Variants in GPRASP3 observed in about 807,000 individuals in gnomAD.
The protein encoded by GPRASP3 is G protein-coupled receptor associated sorting protein 3.
At chrX:102,750,295 A>G in the GPRASP3 span, 1 of 1,209,276 alleles carries the variant, frequency 8.3e-7, no homozygotes, top group East Asian at 3.0e-5. Flanking sequence ...ACAACTGACT[A>G]CTGATTTTGT....
the GPRASP3 span, among the ~76,000 whole-genome samples, chrX:102,745,650 A>T: frequency 9.0e-6 from 1 of 110,879 alleles, no homozygotes; most frequent in Non-Finnish European, 1.9e-5. Context: ...CTGGTTGGGG[A>T]GTTGGGGCGG....
At chrX:102,750,047 A>G in the GPRASP3 span, 1 of 1,202,898 alleles carries the variant, frequency 8.3e-7, no homozygotes, top group Non-Finnish European at 1.1e-6. Context: ...ATGGGTGTCC[A>G]TAATGTTCAC....
At chrX:102,729,351 C>G in the GPRASP3 span, among the ~76,000 whole-genome samples, 4 of 111,710 alleles carry the variant, frequency 3.6e-5, no homozygotes, top group African/African-American at 3.3e-5. Context: ...GAGAAAGGCG[C>G]TAAAATAAAA....
the GPRASP3 span, chrX:102,747,938 T>C: frequency 9.0e-6 from 1 of 111,717 alleles, no homozygotes; most frequent in Non-Finnish European, 1.9e-5. Flanking sequence ...GCACCCCCGT[T>C]GATTGGGGTT....
At chrX:102,731,662 GAA>G in the GPRASP3 span, among the ~76,000 whole-genome samples, 1 of 110,716 alleles carries the variant, frequency 9.0e-6, no homozygotes, top group Non-Finnish European at 1.9e-5. Context: ...GAACAGGAGA[GAA>G]AGGGGAGTAC....
chrX:102,750,733 A>G, the GPRASP3 span: 2 of 716,652 alleles, frequency 2.8e-6, no homozygotes, highest in African/African-American at 2.2e-5. Context: ...TTTAACACAG[A>G]GTCACCTGTG....
chrX:102,724,250 T>C, the GPRASP3 span, among the ~76,000 whole-genome samples: 4 of 111,078 alleles, frequency 3.6e-5, no homozygotes, highest in Non-Finnish European at 7.5e-5. Context: ...CTCCAAGTAG[T>C]TGGTTTCAAA....
chrX:102,726,898 C>A, the GPRASP3 span, among the ~76,000 whole-genome samples: 3 of 112,496 alleles, frequency 2.7e-5, no homozygotes, highest in East Asian at 8.4e-4. Context: ...ACTTTTTAAT[C>A]TGGAGCAGAA....
the GPRASP3 span, chrX:102,751,091 G>T: frequency 7.9e-6 from 1 of 125,887 alleles, no homozygotes; most frequent in African/African-American, 3.2e-5. Flanking sequence ...AAGGAGGCAG[G>T]AGTTCCTATA....
the GPRASP3 span, among the ~76,000 whole-genome samples, chrX:102,739,941 T>G: frequency 8.9e-6 from 1 of 112,027 alleles, no homozygotes; most frequent in Non-Finnish European, 1.9e-5. Flanking sequence ...TCATGTGGCA[T>G]GCAAAGTGAA....
At chrX:102,735,426 A>G in the GPRASP3 span, among the ~76,000 whole-genome samples, 28 of 94,744 alleles carry the variant, frequency 3.0e-4, no homozygotes, top group African/African-American at 1.1e-3. Context: ...TTTTTTTGAG[A>G]CGACGTCTTG....
chrX:102,750,470 T>C, the GPRASP3 span: 1 of 1,209,849 alleles, frequency 8.3e-7, no homozygotes, highest in South Asian at 1.8e-5. Context: ...GCATTAAAAC[T>C]CATCTTTAAC....
chrX:102,752,023 C>G, the GPRASP3 span: 1 of 107,905 alleles, frequency 9.3e-6, no homozygotes, highest in South Asian at 4.8e-4. Context: ...GGGGCTTTAT[C>G]TTTTACTAGT....
the GPRASP3 span, chrX:102,748,755 A>G: frequency 3.3e-6 from 1 of 307,510 alleles, no homozygotes; most frequent in Non-Finnish European, 5.8e-6. Context: ...CATCACCTTC[A>G]GCAGGTCTGC....
chrX:102,741,363 T>G, the GPRASP3 span, among the ~76,000 whole-genome samples: 1 of 111,964 alleles, frequency 8.9e-6, no homozygotes, highest in Non-Finnish European at 1.9e-5. Flanking sequence ...GCCCTCCTTC[T>G]CCTTAGGAAG....
the GPRASP3 span, among the ~76,000 whole-genome samples, chrX:102,732,855 G>A: frequency 9.0e-6 from 1 of 111,631 alleles, no homozygotes; most frequent in African/African-American, 3.3e-5. Context: ...AAATACCTAT[G>A]AGTTGAGTAA....
chrX:102,722,585 A>C, the GPRASP3 span, among the ~76,000 whole-genome samples: 1 of 111,696 alleles, frequency 9.0e-6, no homozygotes, highest in Non-Finnish European at 1.9e-5. Context: ...CAACCCTCTA[A>C]TCATGCCTTG....
the GPRASP3 span, among the ~76,000 whole-genome samples, chrX:102,734,015 T>C: frequency 9.0e-6 from 1 of 110,612 alleles, no homozygotes; most frequent in Non-Finnish European, 1.9e-5. Context: ...GGGGGAACTT[T>C]TGAGCCAGGA....
At chrX:102,750,877 C>T in the GPRASP3 span, 1 of 278,724 alleles carries the variant, frequency 3.6e-6, no homozygotes, top group Non-Finnish European at 6.6e-6. Flanking sequence ...CAAACCAGTT[C>T]GTTTTAAGTA....
Sources: allele counts gnomAD v4.1 joint callset (sites outside exome capture counted in the v4.1 genomes callset), GRCh38; gene constraint gnomAD v4.1.1; transcripts MANE v1.5; gene names NCBI Gene and HGNC (gene_info 2026-07-23, HGNC 2026-07-21).